Variants in TPP2 observed in about 807,000 individuals in gnomAD.
The protein encoded by TPP2 is tripeptidyl-peptidase 2.
In TPP2, 34 loss-of-function variants were observed where a neutral mutation model predicts 155.9. The ratio of observed to expected loss-of-function variants is 0.22; its 90% CI spans 0.17 to 0.29. The LOEUF (loss-of-function observed/expected upper bound fraction) is 0.29, where lower values mean the gene tolerates loss of function less well. Among genes scored for constraint, TPP2 ranks in the 10% least tolerant of loss-of-function variants. The pLI is 1.00. For synonymous variants in TPP2, 510 were observed against 529.4 expected (o/e 0.96, Z 0.50); for missense variants, 1,028 against 1,522.3 (o/e 0.68, Z 5.40).
chr13:102,648,842 CT>C, intron 21 of TPP2, 64 bp from the exon 22 acceptor site: 1 of 1,520,946 alleles, frequency 6.6e-7, no homozygotes, highest in African/African-American at 1.4e-5. Context: ...ACTTTATCCT[CT>C]TTCAGTGATT....
In TPP2 at chr13:102,640,335, G is replaced by A. The variant is rs7331070; in HGVS notation, c.1979G>A (p.Arg660Gln). Reference sequence around the variant, plus strand: ...GTACACTTTAAACCTGGTCAAATTCGAAGGCATTTTATTGAGGTTCCTGAG... The same window carrying A: ...GTACACTTTAAACCTGGTCAAATTCAAAGGCATTTTATTGAGGTTCCTGAG... ...TDVHFKPGQI[R>Q]RHFIEVPEGA... is the part of the protein sequence containing the mutation. Residue 660 changes from arginine (R) to glutamine (Q), a missense_variant, in exon 16 of 30, where the codon CGA becomes CAA. Physicochemically the swap from Arg to Gln is conservative, Grantham distance 43 (BLOSUM62 1). This residue lies in a region of TPP2 where 325 missense variants were observed against 463.7 expected (regional missense o/e 0.70). Transcript: ENST00000376052. 1.3e-5 allele frequency: 21 copies of A among 1,613,402 alleles called. No individual in the cohort carries two copies. The highest frequency in any genetic ancestry group is 1.7e-5 in the Admixed American group (1 of 59,982).
At chr13:102,633,887 A>G in intron 10 of TPP2, 63 bp from the exon 11 acceptor site, 2 of 1,604,414 alleles carry the variant, frequency 1.2e-6, no homozygotes, top group Non-Finnish European at 1.7e-6. Context: ...TGGTCGTCTT[A>G]AAAATGCCCA....
chr13:102,640,691 G>T (rs565366270), intron 16 of TPP2, among the ~76,000 whole-genome samples: 1 of 114,250 alleles, frequency 8.8e-6, no homozygotes, highest in Non-Finnish European at 1.6e-5. Context: ...TCACTCTGTC[G>T]CCAGGCTGGA....
At chr13:102,618,407 T>C (rs922448210) in intron 4 of TPP2, among the ~76,000 whole-genome samples, 2 of 152,188 alleles carry the variant, frequency 1.3e-5, no homozygotes, top group African/African-American at 4.8e-5. Context: ...ATAACAAATA[T>C]GTAACAAGCA....
intron 1 of TPP2, among the ~76,000 whole-genome samples, chr13:102,598,198 T>C (rs1879131815): frequency 6.6e-6 from 1 of 152,198 alleles, no homozygotes; most frequent in Non-Finnish European, 1.5e-5. Context: ...AATTTCACCG[T>C]TATTCAAGAT....
At chr13:102,651,295 G>A (rs1255933249) in intron 23 of TPP2, 64 bp from the exon 24 acceptor site, 1 of 1,504,176 alleles carries the variant, frequency 6.6e-7, no homozygotes, top group East Asian at 2.4e-5. Flanking sequence ...ATTAGACAGA[G>A]GTTCTGTCTC....
chr13:102,646,701 T>A (rs1307946462), intron 20 of TPP2, among the ~76,000 whole-genome samples: 1 of 152,148 alleles, frequency 6.6e-6, no homozygotes, highest in Non-Finnish European at 1.5e-5. Flanking sequence ...CCATCTGCCT[T>A]CTGGTGATGG....
At chr13:102,605,885 A>T (rs865887586) in intron 2 of TPP2, among the ~76,000 whole-genome samples, 2 of 151,920 alleles carry the variant, frequency 1.3e-5, no homozygotes, top group African/African-American at 4.8e-5. Flanking sequence ...CACCACGTCC[A>T]GCTAATTTTT....
At chr13:102,658,006 C>CT (rs527272965) in intron 25 of TPP2, among the ~76,000 whole-genome samples, 37 of 152,134 alleles carry the variant, frequency 2.4e-4, no homozygotes, top group Non-Finnish European at 1.0e-4. Flanking sequence ...TATTCTTCAC[C>CT]TTTTTTTCTA....
intron 29 of TPP2, among the ~76,000 whole-genome samples, chr13:102,677,490 C>T (rs146439075): frequency 6.6e-6 from 1 of 152,268 alleles, no homozygotes; most frequent in East Asian, 1.9e-4. Context: ...CCATAAGGCC[C>T]CTGCCTACCT....
At chr13:102,643,629 T>C (rs1248826971) in intron 17 of TPP2, among the ~76,000 whole-genome samples, 1 of 152,224 alleles carries the variant, frequency 6.6e-6, no homozygotes, top group Non-Finnish European at 1.5e-5. Flanking sequence ...TAGATTCTCG[T>C]GCCTTGTAGT....
intron 17 of TPP2, among the ~76,000 whole-genome samples, chr13:102,643,907 G>A (rs1254783196): frequency 1.3e-5 from 2 of 152,132 alleles, no homozygotes; most frequent in African/African-American, 4.8e-5. Flanking sequence ...GCTCCTTTGT[G>A]TTTTCAGTTG....
At chr13:102,678,197 A>G in intron 29 of TPP2, 30 bp from the exon 30 acceptor site, 1 of 1,574,116 alleles carries the variant, frequency 6.4e-7, no homozygotes, top group East Asian at 2.3e-5. Flanking sequence ...CACTTCCTTT[A>G]TAATAATATA....
At position 102,596,993 on chromosome 13, in the gene TPP2, G is replaced by C. The variant is rs769616726; in HGVS notation, c.-46G>C. 1.4e-5 allele frequency: 22 copies of C among 1,596,910 alleles called. No homozygotes were observed. In the African/African-American group the frequency reaches 2.5e-4, roughly 18 times the overall value. On this transcript the variant is annotated 5_prime_UTR_variant, in exon 1 of 30. Coordinates refer to ENST00000376052, the MANE Select transcript of TPP2 (RefSeq NM_001330588.2). ...GGGTGTCCTCGCGCTGCTAGTCCGC[G>C]CGCAGCCTGGCAGTTTGCCGCTTCC...
Position 102,618,717 on chromosome 13 carries a change from A to T in TPP2, c.496-5A>T. On this transcript the variant is annotated splice_region_variant and splice_polypyrimidine_tract_variant and intron_variant, in intron 4 of 29. Coordinates refer to ENST00000376052, the MANE Select transcript of TPP2 (RefSeq NM_001330588.2). ...CTAATGTTAATCAGTTTTCCAACTG[A>T]CTAGGCAAATAAACTAATCAAGGAG... 1.9e-6 allele frequency: 3 copies of T among 1,613,202 alleles called. No homozygotes were observed. The South Asian group carries it at 3.3e-5, about 18-fold the overall frequency.
chr13:102,621,720 A>G (rs142052742), intron 5 of TPP2, among the ~76,000 whole-genome samples: 1 of 152,292 alleles, frequency 6.6e-6, no homozygotes, highest in East Asian at 1.9e-4. Context: ...TAAGGAAGAG[A>G]CAGTGGAAAT....
intron 11 of TPP2, 22 bp downstream of exon 11, chr13:102,634,120 C>T: frequency 1.2e-6 from 2 of 1,613,532 alleles, no homozygotes; most frequent in Non-Finnish European, 1.7e-6. Flanking sequence ...CTTTATTGTC[C>T]TTACATTATT....
At chr13:102,667,530 G>T (rs1884688536) in intron 27 of TPP2, among the ~76,000 whole-genome samples, 1 of 152,140 alleles carries the variant, frequency 6.6e-6, no homozygotes, top group Non-Finnish European at 1.5e-5. Context: ...ATTTCAAATT[G>T]TAAAAGCCTG....
At position 102,642,666 on chromosome 13, in the gene TPP2, T is replaced by G. The variant is rs568292394; in HGVS notation, c.2021-556T>G. Among the ~76,000 whole-genome samples, 11 of 152,284 alleles carry G rather than the reference T, an allele frequency of 7.2e-5. No individual in the cohort carries two copies. In the East Asian group the frequency reaches 1.9e-3, roughly 27 times the overall value. On this transcript the variant is annotated intron_variant, in intron 16 of 29. Transcript: ENST00000376052. ...GTGTTCTTTAGAAAAGCTGCCAATC[T>G]GGCATTGCGGTGATCTTGGCTTACC...
Sources: allele counts gnomAD v4.1 joint callset (sites outside exome capture counted in the v4.1 genomes callset), GRCh38; gene constraint gnomAD v4.1.1; regional missense constraint gnomAD v4.1.1; transcripts MANE v1.5; gene names NCBI Gene and HGNC (gene_info 2026-07-23, HGNC 2026-07-21).